FNBP1L: variants seen among roughly 807,000 people sequenced by gnomAD.
FNBP1L encodes the protein formin binding protein 1 like, also known as formin-binding protein 1-like.
FNBP1L carries 36 observed loss-of-function variants against 91.2 expected under a neutral mutation model. The ratio of observed to expected loss-of-function variants is 0.39; its 90% CI spans 0.30 to 0.52. The LOEUF is 0.52. Among genes scored for constraint, FNBP1L ranks in the 20% least tolerant of loss-of-function variants. The pLI is 0.66. For missense variants in FNBP1L, 571 were observed against 732.1 expected, an observed-to-expected ratio of 0.78 and a Z score of 2.54; for synonymous variants, 242 against 237.0, an observed-to-expected ratio of 1.02 and a Z score of -0.19.
chr1:93,527,779 G>A (rs771207684), intron 5 of FNBP1L, among the ~76,000 whole-genome samples: 2 of 152,028 alleles, frequency 1.3e-5, no homozygotes, highest in Non-Finnish European at 2.9e-5. Flanking sequence ...ATGTGCACAT[G>A]AGGGACCAGA....
intron 1 of FNBP1L, among the ~76,000 whole-genome samples, chr1:93,478,834 T>C (rs1669587904): frequency 6.6e-6 from 1 of 152,208 alleles, no homozygotes; most frequent in African/African-American, 2.4e-5. Flanking sequence ...GATGGATAGA[T>C]GTAGAAATAA....
chr1:93,520,437 T>C (rs1671283988), intron 2 of FNBP1L, among the ~76,000 whole-genome samples: 2 of 152,192 alleles, frequency 1.3e-5, no homozygotes, highest in Admixed American at 6.5e-5. Context: ...CTGATGCTTT[T>C]GTAAACAATA....
chr1:93,526,063 A>G (rs1052948339), intron 5 of FNBP1L, among the ~76,000 whole-genome samples: 1 of 152,142 alleles, frequency 6.6e-6, no homozygotes, highest in African/African-American at 2.4e-5. Context: ...CAGGGTATTA[A>G]AAATTGAGGA....
chr1:93,525,653 C>T (rs1243615689), intron 5 of FNBP1L, among the ~76,000 whole-genome samples: 2 of 152,078 alleles, frequency 1.3e-5, no homozygotes, highest in African/African-American at 2.4e-5. Flanking sequence ...TAGGTGCCAA[C>T]TTGCCTTTAG....
In FNBP1L at chr1:93,529,678, T is replaced by C; in HGVS notation, c.432T>C (p.Cys144=). Residue 144 remains cysteine (C), a synonymous_variant, in exon 6 of 17, where the codon TGT becomes TGC. Transcript: ENST00000271234. ...GTAAAAAGAAGTTTGAAAGAGAATG[T>C]AGAGAGGCAGAAAAGGCACAACAGA... ...DNSKKKFERE[C]REAEKAQQSY... is the part of the protein sequence containing the mutation. The C allele has an allele frequency of 6.6e-7, 1 of 1,510,776 alleles. No homozygotes were observed. Among genetic ancestry groups the C allele is most frequent in the Non-Finnish European group, 8.8e-7 (1 of 1,133,772 alleles). 93.6% of individuals were successfully genotyped at this position (1,510,776 alleles called of 1,614,324 possible).
chr1:93,471,226 G>A (rs1669274516), intron 1 of FNBP1L, among the ~76,000 whole-genome samples: 1 of 152,130 alleles, frequency 6.6e-6, no homozygotes, highest in Non-Finnish European at 1.5e-5. Flanking sequence ...GTTCATTGGA[G>A]CATTTCCTTT....
At chr1:93,522,760 A>C (rs960328866) in intron 3 of FNBP1L, among the ~76,000 whole-genome samples, 52 of 152,266 alleles carry the variant, frequency 3.4e-4, no homozygotes, top group African/African-American at 1.2e-3. Context: ...AGTATGTTCA[A>C]AGTAGATATA....
At chr1:93,471,669 G>A (rs533359959) in intron 1 of FNBP1L, among the ~76,000 whole-genome samples, 1 of 152,198 alleles carries the variant, frequency 6.6e-6, no homozygotes, top group Admixed American at 6.5e-5. Flanking sequence ...TCCAGCCTGG[G>A]TGACCAGAGT....
chr1:93,493,281 C>G (rs57438388), intron 1 of FNBP1L, among the ~76,000 whole-genome samples: 1 of 151,996 alleles, frequency 6.6e-6, no homozygotes, highest in East Asian at 1.9e-4. Context: ...CCCAGGATTT[C>G]GATGCTGCAG....
intron 1 of FNBP1L, among the ~76,000 whole-genome samples, chr1:93,482,844 C>G (rs1197679589): frequency 6.6e-6 from 1 of 151,878 alleles, no homozygotes; most frequent in African/African-American, 2.4e-5. Context: ...ACGGTGAAAC[C>G]CCGTCTCTAC....
At chr1:93,540,869 A>G (rs1344984038) in intron 10 of FNBP1L, among the ~76,000 whole-genome samples, 173 bp from the exon 11 acceptor site, 1 of 145,684 alleles carries the variant, frequency 6.9e-6, no homozygotes, top group African/African-American at 2.5e-5. Context: ...TTTGCAAGTA[A>G]TTTACTTTCC....
At chr1:93,515,989 TAAAG>T (rs1429297209) in intron 2 of FNBP1L, among the ~76,000 whole-genome samples, 1 of 152,228 alleles carries the variant, frequency 6.6e-6, no homozygotes, top group Non-Finnish European at 1.5e-5. Context: ...CATCATCTGA[TAAAG>T]ATTTATTCTC....
At chr1:93,452,274 A>T (rs534637524) in intron 1 of FNBP1L, among the ~76,000 whole-genome samples, 4 of 152,358 alleles carry the variant, frequency 2.6e-5, no homozygotes, top group Admixed American at 2.6e-4. Context: ...ATTACTAATT[A>T]GCAAGTGTAT....
At chr1:93,468,255 C>G (rs1285469377) in intron 1 of FNBP1L, among the ~76,000 whole-genome samples, 1 of 152,114 alleles carries the variant, frequency 6.6e-6, no homozygotes, top group Non-Finnish European at 1.5e-5. Flanking sequence ...GTTTTCAAGG[C>G]TCATGCATAC....
At chr1:93,476,982 C>G (rs1669519444) in intron 1 of FNBP1L, among the ~76,000 whole-genome samples, 1 of 152,088 alleles carries the variant, frequency 6.6e-6, no homozygotes, top group African/African-American at 2.4e-5. Flanking sequence ...AAATGGCTTG[C>G]CCAAGGTGAC....
intron 10 of FNBP1L, among the ~76,000 whole-genome samples, 160 bp downstream of exon 10, chr1:93,536,650 C>G (rs1255132802): frequency 1.3e-5 from 2 of 152,052 alleles, no homozygotes; most frequent in African/African-American, 4.8e-5. Context: ...AACAACTCCT[C>G]TTTATAACAT....
At chr1:93,525,189 C>A (rs1185097483) in intron 5 of FNBP1L, among the ~76,000 whole-genome samples, 2 of 151,872 alleles carry the variant, frequency 1.3e-5, no homozygotes, top group Non-Finnish European at 2.9e-5. Context: ...ACTGCGTATT[C>A]CTTGAAAATT....
chr1:93,487,084 T>C (rs560618862), intron 1 of FNBP1L, among the ~76,000 whole-genome samples: 1 of 152,326 alleles, frequency 6.6e-6, no homozygotes, highest in South Asian at 2.1e-4. Context: ...ACAGAACTGC[T>C]CTTAAGACAG....
chr1:93,469,310 C>T (rs1669203378), intron 1 of FNBP1L, among the ~76,000 whole-genome samples: 1 of 150,922 alleles, frequency 6.6e-6, no homozygotes, highest in Non-Finnish European at 1.5e-5. Flanking sequence ...TGTTCAACTC[C>T]TACTTATGAG....
Sources: gnomAD v4.1 joint callset for allele counts (sites outside exome capture counted in the v4.1 genomes callset) on GRCh38, gnomAD v4.1.1 for gene constraint, MANE v1.5 for transcripts, NCBI Gene and HGNC (gene_info 2026-07-23, HGNC 2026-07-21) for gene names.